ATXN7L1: variants seen among roughly 807,000 people sequenced by gnomAD.
ATXN7L1 encodes the protein ataxin-7-like protein 1.
A neutral mutation model predicts 70.8 loss-of-function variants in ATXN7L1; 15 were observed. The observed-to-expected ratio is 0.21, with a 90% CI of 0.14 to 0.33. The LOEUF (loss-of-function observed/expected upper bound fraction) is 0.33, where lower values mean the gene tolerates loss of function less well. Among genes scored for constraint, ATXN7L1 ranks in the 10% least tolerant of loss-of-function variants. The pLI is 1.00. For missense variants in ATXN7L1, 975 were observed against 1,097.1 expected, an observed-to-expected ratio of 0.89 and a Z score of 1.57; for synonymous variants, 440 against 445.1, an observed-to-expected ratio of 0.99 and a Z score of 0.14.
intron 2 of ATXN7L1, among the ~76,000 whole-genome samples, chr7:105,795,475 T>C (rs1031093410): frequency 6.6e-6 from 1 of 152,244 alleles, no homozygotes; most frequent in Non-Finnish European, 1.5e-5. Flanking sequence ...GCTGGTTTTG[T>C]GGATTCAGGA....
At chr7:105,650,762 A>C (rs1463671340) in intron 4 of ATXN7L1, among the ~76,000 whole-genome samples, 5 of 152,172 alleles carry the variant, frequency 3.3e-5, no homozygotes, top group African/African-American at 1.2e-4. Context: ...GAGAACAATG[A>C]TGTGAGATTT....
chr7:105,740,836 C>T (rs1001668456), intron 3 of ATXN7L1, among the ~76,000 whole-genome samples: 3 of 135,986 alleles, frequency 2.2e-5, no homozygotes, highest in South Asian at 5.0e-4. Context: ...GCGATCTTGG[C>T]TCACTGGAAG....
chr7:105,700,499 A>G (rs1792304448), intron 3 of ATXN7L1, among the ~76,000 whole-genome samples: 1 of 112,788 alleles, frequency 8.9e-6, no homozygotes, highest in South Asian at 3.1e-4. Context: ...ACAGGGCAAG[A>G]CTCTGTCTCA....
chr7:105,639,169 C>T (rs977174812), intron 6 of ATXN7L1, among the ~76,000 whole-genome samples: 4 of 152,168 alleles, frequency 2.6e-5, no homozygotes. Context: ...CCGCCGCTGC[C>T]GCTGCTCCTG....
intron 7 of ATXN7L1, among the ~76,000 whole-genome samples, chr7:105,630,279 T>G (rs1256508615): frequency 6.6e-6 from 1 of 152,170 alleles, no homozygotes; most frequent in East Asian, 1.9e-4. Flanking sequence ...TCCAAAATCT[T>G]ACTAAAATAA....
chr7:105,607,956 A>G (rs1185572654), intron 11 of ATXN7L1, 66 bp from the exon 12 acceptor site: 9 of 1,397,212 alleles, frequency 6.4e-6, no homozygotes, highest in Non-Finnish European at 7.9e-6. Context: ...TGAGAATTCA[A>G]GGATGGAGAC....
intron 3 of ATXN7L1, among the ~76,000 whole-genome samples, chr7:105,759,842 T>C (rs999658172): frequency 6.6e-6 from 1 of 152,084 alleles, no homozygotes; most frequent in African/African-American, 2.4e-5. Flanking sequence ...TTGCCATATG[T>C]GCAAATCAAT....
chr7:105,683,999 C>T (rs1045769505), intron 3 of ATXN7L1, among the ~76,000 whole-genome samples: 2 of 152,198 alleles, frequency 1.3e-5, no homozygotes, highest in African/African-American at 4.8e-5. Flanking sequence ...TGCAGTTGCT[C>T]ATCCACACTC....
intron 3 of ATXN7L1, among the ~76,000 whole-genome samples, chr7:105,756,659 A>G (rs892086441): frequency 1.3e-5 from 2 of 152,224 alleles, no homozygotes; most frequent in African/African-American, 4.8e-5. Flanking sequence ...GGAAGATTAA[A>G]TCTGGCTATT....
intron 7 of ATXN7L1, among the ~76,000 whole-genome samples, chr7:105,628,047 C>A (rs952209401): frequency 6.7e-6 from 1 of 149,636 alleles, no homozygotes; most frequent in Non-Finnish European, 1.5e-5. Context: ...GTTTCAGCAT[C>A]TTGGCCAGGC....
rs945965098 is a variant in ATXN7L1 at position 105,734,391 on chromosome 7, G to A, written c.355+54213C>T. On this transcript the variant is annotated intron_variant, in intron 3 of 11. Transcript: ENST00000419735. Reference sequence around the variant, plus strand: ...TGCCTCTCAGTGGGCCTCAGAGCCCGGGGCAGCTGCTGCAGCTGGCGAGGC... The same window carrying A: ...TGCCTCTCAGTGGGCCTCAGAGCCCAGGGCAGCTGCTGCAGCTGGCGAGGC... Among the ~76,000 whole-genome samples, 5 of 152,208 alleles carry A rather than the reference G, an allele frequency of 3.3e-5. 1 individual carries two copies. Among genetic ancestry groups the A allele is most frequent in the South Asian group, 4.1e-4 (2 of 4,828 alleles).
At chr7:105,764,938 G>A (rs1454060335) in intron 3 of ATXN7L1, among the ~76,000 whole-genome samples, 1 of 152,010 alleles carries the variant, frequency 6.6e-6, no homozygotes, top group Non-Finnish European at 1.5e-5. Flanking sequence ...TGAATGAAAT[G>A]CAGGATTATT....
At chr7:105,615,827 A>T (rs1354419209) in intron 9 of ATXN7L1, among the ~76,000 whole-genome samples, 1 of 151,992 alleles carries the variant, frequency 6.6e-6, no homozygotes, top group Admixed American at 6.5e-5. Flanking sequence ...CCTCAGAGCA[A>T]ACTCCCTGGA....
In ATXN7L1 at chr7:105,853,120, T is replaced by A. The variant is rs538145134; in HGVS notation, c.250+22692A>T. 1.5e-4 allele frequency among the ~76,000 whole-genome samples: 23 copies of A among 152,258 alleles called. No individual in the cohort carries two copies. In the East Asian group the frequency reaches 4.2e-3, roughly 28 times the overall value. ...ATGGGTTTAGAGTTTCTGTTTGGGATGATAGAAAAGTTCTGGAAATGCATA... is the reference window on the plus strand; with the variant it reads ...ATGGGTTTAGAGTTTCTGTTTGGGAAGATAGAAAAGTTCTGGAAATGCATA... On this transcript the variant is annotated intron_variant, in intron 2 of 11. Transcript: ENST00000419735.
chr7:105,727,769 T>TATATATATATATATA (rs1471265583), intron 3 of ATXN7L1, among the ~76,000 whole-genome samples: 6 of 120,270 alleles, frequency 5.0e-5, no homozygotes, highest in South Asian at 2.8e-4. Flanking sequence ...TATATATATA[T>TATATATATATATATA]ATATATATAC....
intron 3 of ATXN7L1, among the ~76,000 whole-genome samples, chr7:105,781,575 T>C (rs568302711): frequency 2.5e-4 from 38 of 152,306 alleles, no homozygotes; most frequent in African/African-American, 8.9e-4. Flanking sequence ...ACATCTCCTT[T>C]TCCACAGTAA....
intron 4 of ATXN7L1, among the ~76,000 whole-genome samples, chr7:105,645,291 A>G (rs372997263): frequency 6.6e-6 from 1 of 152,240 alleles, no homozygotes; most frequent in Admixed American, 6.5e-5. Flanking sequence ...AATGTTTTAC[A>G]TGTACAAACT....
intron 2 of ATXN7L1, among the ~76,000 whole-genome samples, chr7:105,807,629 C>G (rs547929819): frequency 6.6e-6 from 1 of 152,316 alleles, no homozygotes; most frequent in Admixed American, 6.5e-5. Context: ...TTATAAAATA[C>G]TTATGCACTG....
At chr7:105,754,375 G>GTTCTT (rs550366741) in intron 3 of ATXN7L1, among the ~76,000 whole-genome samples, 63 of 151,428 alleles carry the variant, frequency 4.2e-4, no homozygotes, top group Non-Finnish European at 7.2e-4. Flanking sequence ...TTGTTTATTT[G>GTTCTT]TTCTTTTCTT....
Sources: gnomAD v4.1 joint callset for allele counts (sites outside exome capture counted in the v4.1 genomes callset) on GRCh38, gnomAD v4.1.1 for gene constraint, MANE v1.5 for transcripts, NCBI Gene and HGNC (gene_info 2026-07-23, HGNC 2026-07-21) for gene names.